The following CDH4 variants were observed in gnomAD, a reference collection of about 807,000 sequenced individuals.
CDH4 encodes the protein cadherin-4.
Under a neutral mutation model 86.0 loss-of-function variants are expected in CDH4, and 33 were observed. That is an observed-to-expected ratio of 0.38 (90% CI 0.29 to 0.51). CDH4 has a LOEUF of 0.51. Among genes scored for constraint, CDH4 ranks in the 20% least tolerant of loss-of-function variants. The pLI is 0.86. For missense variants in CDH4, 1,114 were observed against 1,307.4 expected (o/e 0.85, Z 2.28); for synonymous variants, 555 against 549.4 (o/e 1.01, Z -0.14).
rs143851008 is a variant in CDH4, at chr20:61,366,670, C to T, written c.169+111733C>T. The stretch of plus-strand genomic sequence containing the variant: ...AGGAGCATGTCCTTAAGGCACAGAT[C>T]GCTCATGCAATTGTTTGTGGCTTAA... On this transcript the variant is annotated intron_variant, in intron 2 of 15. Coordinates refer to ENST00000614565, the MANE Select transcript of CDH4 (RefSeq NM_001794.5). Among the ~76,000 whole-genome samples, 711 of 152,358 alleles carry T rather than the reference C, an allele frequency of 4.7e-3. 5 individuals carry two copies. The highest frequency in any genetic ancestry group is 0.016 in the African/African-American group (685 of 41,582).
chr20:61,661,805 A>G (rs764749180), intron 2 of CDH4, among the ~76,000 whole-genome samples: 1 of 152,050 alleles, frequency 6.6e-6, no homozygotes, highest in African/African-American at 2.4e-5. Context: ...CGCGGCTCGT[A>G]TGACAGGCCA....
chr20:61,427,409 G>A (rs2085221024), intron 2 of CDH4, among the ~76,000 whole-genome samples: 1 of 152,160 alleles, frequency 6.6e-6, no homozygotes. Context: ...GTTTTTAGAG[G>A]CTGTGGCATG....
At chr20:61,595,210 T>C (rs2086547335) in intron 2 of CDH4, among the ~76,000 whole-genome samples, 1 of 152,204 alleles carries the variant, frequency 6.6e-6, no homozygotes, top group South Asian at 2.1e-4. Context: ...CTGCTGCCAA[T>C]GTCTGGGTAT....
rs149552640 is a variant in CDH4, at chr20:61,910,253, CGTT to C, written c.1189-167_1189-165del. 5.6e-3 allele frequency among the ~76,000 whole-genome samples: 853 copies of C among 151,552 alleles called. 4 individuals carry two copies. Among genetic ancestry groups the C allele is most frequent in the Non-Finnish European group, 7.6e-3 (515 of 67,896 alleles). ...ACGTTGTGTTCTGTTTGTGAACACT[CGTT>C]GAGCTGGGCTGACACGGTGTGTTCT... On this transcript the variant is annotated intron_variant, in intron 8 of 15. Transcript: ENST00000614565.
chr20:61,934,204 G>A lies in CDH4; in HGVS notation c.2528G>A (p.Gly843Asp), dbSNP rs139881905. Reference protein sequence around the residue: ...RPMVPHPGDIGDFINEGLRAA... With the variant: ...RPMVPHPGDIDDFINEGLRAA... ...ATGGTGCCGCACCCAGGCGACATCG[G>A]TGACTTCATCAATGAGGTGTGTGCC... The change falls in exon 15 of 16, where the codon GGT becomes GAT. Residue 843 changes from glycine (G) to aspartate (D), a missense_variant. Around this residue, in one of 3 missense-constraint regions of CDH4, gnomAD observed 188 missense variants for 183.8 expected, o/e 1.02. Coordinates refer to ENST00000614565, the MANE Select transcript of CDH4 (RefSeq NM_001794.5). 3 of 1,568,424 alleles carry A rather than the reference G, an allele frequency of 1.9e-6. No individual in the cohort carries two copies. Among genetic ancestry groups the A allele is most frequent in the African/African-American group, 1.4e-5 (1 of 73,826 alleles).
chr20:61,737,678 C>T (rs928517237), intron 2 of CDH4, among the ~76,000 whole-genome samples: 30 of 152,212 alleles, frequency 2.0e-4, no homozygotes, highest in African/African-American at 7.2e-4. Flanking sequence ...ATGTCCATGC[C>T]ACTGAAGGAT....
rs532173860 is a variant in CDH4 at position 61,557,611 on chromosome 20, T to C, written c.170-185952T>C. On this transcript the variant is annotated intron_variant, in intron 2 of 15. Transcript: ENST00000614565. ...GAGGAATGAGAAGAGATAAAACTCA[T>C]GAGTGAAAATGCCGCTCTTTTACAT... is the stretch of plus-strand genomic sequence containing the variant. Among the ~76,000 whole-genome samples the C allele has an allele frequency of 3.2e-4, 49 of 152,320 alleles. 1 individual carries two copies. In the South Asian group the frequency reaches 6.4e-3, roughly 20 times the overall value.
In CDH4 at chr20:61,711,836, G is replaced by A. The variant is rs531675199; in HGVS notation, c.170-31727G>A. On this transcript the variant is annotated intron_variant, in intron 2 of 15. Coordinates refer to ENST00000614565, the MANE Select transcript of CDH4 (RefSeq NM_001794.5). The stretch of plus-strand genomic sequence containing the variant: ...GGGTGAGGACGGGTGGTGGAGGAAG[G>A]TGTCTCTGAGGAAGTGGTATTCCAG... Among the ~76,000 whole-genome samples the A allele has an allele frequency of 5.3e-5, 8 of 152,282 alleles. No individual in the cohort carries two copies. The East Asian group carries it at 1.5e-3, about 29-fold the overall frequency.
rs71185912 is a variant in CDH4, at chr20:61,282,547, A to ATGTGTGTGTG, written c.169+27626_169+27635dup. On this transcript the variant is annotated intron_variant, in intron 2 of 15. Coordinates refer to ENST00000614565, the MANE Select transcript of CDH4 (RefSeq NM_001794.5). ...TTAATCTTTGGCATGGTGTGTGTGC[A>ATGTGTGTGTG]TGTGTGTGTGTGTGTGTGTGTGTGT... Among the ~76,000 whole-genome samples, 114 of 130,222 alleles carry ATGTGTGTGTG rather than the reference A, an allele frequency of 8.8e-4. 2 individuals carry two copies. Among genetic ancestry groups the ATGTGTGTGTG allele is most frequent in the East Asian group, 7.3e-3 (32 of 4,398 alleles). The allele number at this position is 130,222 out of a possible 152,430, so 85.4% of individuals were successfully genotyped here.
intron 2 of CDH4, among the ~76,000 whole-genome samples, chr20:61,600,940 G>C (rs1600796684): frequency 6.6e-6 from 1 of 152,138 alleles, no homozygotes; most frequent in African/African-American, 2.4e-5. Flanking sequence ...TTCCAGTCCT[G>C]CCTGCTGTCT....
At chr20:61,891,893 G>C (rs1191927472) in intron 7 of CDH4, among the ~76,000 whole-genome samples, 2 of 151,338 alleles carry the variant, frequency 1.3e-5, no homozygotes, top group African/African-American at 4.8e-5. Flanking sequence ...TGAGATGCTT[G>C]TGGCCTTGCT....
chr20:61,619,313 C>T (rs922765291), intron 2 of CDH4, among the ~76,000 whole-genome samples: 2 of 152,230 alleles, frequency 1.3e-5, no homozygotes, highest in African/African-American at 4.8e-5. Context: ...CACTCCTTCA[C>T]CTCTGTGCTT....
chr20:61,441,945 G>A (rs991378848), intron 2 of CDH4, among the ~76,000 whole-genome samples: 29 of 152,160 alleles, frequency 1.9e-4, no homozygotes, highest in African/African-American at 5.5e-4. Flanking sequence ...CATAGCTTCA[G>A]AAAAACTTGA....
At chr20:61,376,091 T>G (rs1194174946) in intron 2 of CDH4, among the ~76,000 whole-genome samples, 1 of 152,176 alleles carries the variant, frequency 6.6e-6, no homozygotes, top group East Asian at 1.9e-4. Context: ...GTGATGGTCT[T>G]GGTGCTGGTG....
chr20:61,573,122 C>G (rs1239938855), intron 2 of CDH4, among the ~76,000 whole-genome samples: 4 of 152,080 alleles, frequency 2.6e-5, no homozygotes, highest in Admixed American at 2.0e-4. Flanking sequence ...ATGTGGGTTT[C>G]CCTTTGCAGG....
chr20:61,574,341 C>A (rs539122801), intron 2 of CDH4, among the ~76,000 whole-genome samples: 1 of 152,228 alleles, frequency 6.6e-6, no homozygotes, highest in Non-Finnish European at 1.5e-5. Context: ...GCCCCGTGGG[C>A]CCCGTGTGCA....
intron 2 of CDH4, among the ~76,000 whole-genome samples, chr20:61,638,076 T>C (rs1360544544): frequency 6.7e-6 from 1 of 148,318 alleles, no homozygotes; most frequent in Non-Finnish European, 1.5e-5. Flanking sequence ...GGGAGTGAGA[T>C]CACAGACATG....
At chr20:61,918,657 T>C (rs1437438726) in intron 9 of CDH4, among the ~76,000 whole-genome samples, 2 of 151,962 alleles carry the variant, frequency 1.3e-5, no homozygotes. Context: ...CTGGGGAGGA[T>C]GAGGGCTCAC....
At chr20:61,696,556 C>T (rs1158809393) in intron 2 of CDH4, among the ~76,000 whole-genome samples, 3 of 152,194 alleles carry the variant, frequency 2.0e-5, no homozygotes, top group East Asian at 1.9e-4. Context: ...AAGACGGGAC[C>T]GGGGCTGAGA....
Sources: allele counts gnomAD v4.1 joint callset (sites outside exome capture counted in the v4.1 genomes callset), GRCh38; gene constraint gnomAD v4.1.1; regional missense constraint gnomAD v4.1.1; transcripts MANE v1.5; gene names NCBI Gene and HGNC (gene_info 2026-07-23, HGNC 2026-07-21).